RPS6KA2: variants seen among roughly 807,000 people sequenced by gnomAD.
RPS6KA2 encodes ribosomal protein S6 kinase A2, also known as ribosomal protein S6 kinase alpha-2.
Under a neutral mutation model 91.8 loss-of-function variants are expected in RPS6KA2, and 42 were observed. That is an observed-to-expected ratio of 0.46 (90% CI 0.36 to 0.59). The LOEUF (loss-of-function observed/expected upper bound fraction) is 0.59. Among genes scored for constraint, RPS6KA2 ranks in the 20% least tolerant of loss-of-function variants. The pLI, the probability that RPS6KA2 is intolerant of heterozygous loss-of-function variation, is 0.00. For missense variants in RPS6KA2, 798 were observed against 978.5 expected, an observed-to-expected ratio of 0.82 and a Z score of 2.46; for synonymous variants, 414 against 393.6, an observed-to-expected ratio of 1.05 and a Z score of -0.61.
At chr6:166,439,212 A>G (rs1779441071) in intron 14 of RPS6KA2, among the ~76,000 whole-genome samples, 1 of 152,168 alleles carries the variant, frequency 6.6e-6, no homozygotes, top group Non-Finnish European at 1.5e-5. Context: ...GGTTCAGATG[A>G]TTCTCCTGCC....
chr6:166,521,869 C>T (rs939445141), intron 3 of RPS6KA2, among the ~76,000 whole-genome samples: 4 of 152,172 alleles, frequency 2.6e-5, no homozygotes, highest in African/African-American at 9.7e-5. Flanking sequence ...AACCTAACCC[C>T]CAGTGTGATG....
rs1181139983 is a variant in RPS6KA2 at position 166,547,454 on chromosome 6, G to A, written c.100-8670C>T. 2.6e-5 allele frequency among the ~76,000 whole-genome samples: 4 copies of A among 152,232 alleles called. No homozygotes were observed. The South Asian group carries it at 6.2e-4, about 24-fold the overall frequency. Reference sequence around the variant, plus strand: ...GTTGGCAGCTGAGTGCCCGCTCTCCGGCAGTGGTGCTGGTGCCCAACTGGT... The same window carrying A: ...GTTGGCAGCTGAGTGCCCGCTCTCCAGCAGTGGTGCTGGTGCCCAACTGGT... On this transcript the variant is annotated intron_variant, in intron 1 of 20. Coordinates refer to ENST00000265678, the MANE Select transcript of RPS6KA2 (RefSeq NM_021135.6).
intron 1 of RPS6KA2, chr6:166,542,206 C>A (rs1219422572): frequency 2.0e-5 from 3 of 152,310 alleles, no homozygotes; most frequent in Non-Finnish European, 2.9e-5. Context: ...CTGATAACGA[C>A]CCTCTCTGGA....
intron 2 of RPS6KA2, among the ~76,000 whole-genome samples, chr6:166,655,326 C>T (rs2128555427): frequency 6.6e-6 from 1 of 152,366 alleles, no homozygotes; most frequent in South Asian, 2.1e-4. Context: ...ACAAGCATCA[C>T]TGCACCACCC....
intron 2 of RPS6KA2, among the ~76,000 whole-genome samples, chr6:166,636,776 G>A (rs1787254339): frequency 1.3e-5 from 2 of 152,196 alleles, no homozygotes; most frequent in African/African-American, 4.8e-5. Context: ...GAAGGGAAGT[G>A]GATGAACTCC....
chr6:166,425,203 AAC>A (rs61484492), intron 16 of RPS6KA2, among the ~76,000 whole-genome samples: 1,648 of 152,262 alleles, frequency 0.011, 27 homozygotes, highest in African/African-American at 0.036. Flanking sequence ...CTGCCTTAGA[AAC>A]ACAGTCCTTT....
intron 2 of RPS6KA2, among the ~76,000 whole-genome samples, chr6:166,837,227 C>A (rs896502710): frequency 6.6e-6 from 1 of 152,140 alleles, no homozygotes; most frequent in Non-Finnish European, 1.5e-5. Context: ...TGGGAGGGCG[C>A]CCTGCCCACC....
chr6:166,698,621 T>C (rs1206919736), intron 2 of RPS6KA2, among the ~76,000 whole-genome samples: 1 of 152,206 alleles, frequency 6.6e-6, no homozygotes, highest in Non-Finnish European at 1.5e-5. Context: ...TCTGGGGCTG[T>C]GATTTTCCCC....
chr6:166,660,302 G>T (rs754227533), intron 2 of RPS6KA2, among the ~76,000 whole-genome samples: 1 of 151,552 alleles, frequency 6.6e-6, no homozygotes, highest in Non-Finnish European at 1.5e-5. Context: ...GTATCTCATT[G>T]TGTGTGTGCA....
chr6:166,806,913 C>T (rs1380020023), intron 2 of RPS6KA2, among the ~76,000 whole-genome samples: 1 of 152,064 alleles, frequency 6.6e-6, no homozygotes, highest in African/African-American at 2.4e-5. Context: ...TTGTTGTATG[C>T]TATTAATGTC....
intron 10 of RPS6KA2, among the ~76,000 whole-genome samples, chr6:166,470,664 C>A (rs963059085): frequency 6.6e-6 from 1 of 152,160 alleles, no homozygotes; most frequent in Non-Finnish European, 1.5e-5. Flanking sequence ...ACTGTCCCCC[C>A]AGAACGAGCC....
intron 3 of RPS6KA2, among the ~76,000 whole-genome samples, chr6:166,518,577 C>T (rs1165002021): frequency 1.3e-5 from 2 of 152,142 alleles, no homozygotes; most frequent in Admixed American, 1.3e-4. Flanking sequence ...AGATTAAACC[C>T]ATCAGTGCAG....
chr6:166,524,965 T>A (rs914892066), intron 3 of RPS6KA2, among the ~76,000 whole-genome samples: 3 of 152,134 alleles, frequency 2.0e-5, no homozygotes, highest in Non-Finnish European at 4.4e-5. Context: ...ATTCTCGCGC[T>A]CAGACCAACC....
chr6:166,677,278 A>G (rs1416340222), intron 2 of RPS6KA2, among the ~76,000 whole-genome samples: 1 of 152,208 alleles, frequency 6.6e-6, no homozygotes, highest in Non-Finnish European at 1.5e-5. Flanking sequence ...ATTCTGAGAA[A>G]TAGAGATATA....
chr6:166,702,299 C>G, intron 2 of RPS6KA2: 1 of 1,613,572 alleles, frequency 6.2e-7, no homozygotes. Context: ...TGAGGAGCCC[C>G]TCTGCCCAAG....
chr6:166,843,029 G>T (rs546325606), intron 2 of RPS6KA2, among the ~76,000 whole-genome samples: 1 of 152,164 alleles, frequency 6.6e-6, no homozygotes, highest in African/African-American at 2.4e-5. Flanking sequence ...AAATAGACTC[G>T]GTGCTGTTGG....
intron 2 of RPS6KA2, among the ~76,000 whole-genome samples, chr6:166,843,471 C>T (rs1285810123): frequency 1.3e-5 from 2 of 152,210 alleles, no homozygotes; most frequent in East Asian, 3.9e-4. Flanking sequence ...CAACACAAAA[C>T]CAGTGCACTG....
chr6:166,727,941 A>G (rs1338062844), intron 2 of RPS6KA2, among the ~76,000 whole-genome samples: 1 of 152,240 alleles, frequency 6.6e-6, no homozygotes, highest in South Asian at 2.1e-4. Context: ...CTGAGGACCA[A>G]AAATATTTGG....
intron 2 of RPS6KA2, among the ~76,000 whole-genome samples, chr6:166,799,890 C>G (rs1225122105): frequency 6.6e-6 from 1 of 152,010 alleles, no homozygotes; most frequent in Non-Finnish European, 1.5e-5. Context: ...GATGTGTAGT[C>G]CTTCATCCCT....
Sources: gnomAD v4.1 joint callset for allele counts (sites outside exome capture counted in the v4.1 genomes callset) on GRCh38, gnomAD v4.1.1 for gene constraint, MANE v1.5 for transcripts, NCBI Gene and HGNC (gene_info 2026-07-23, HGNC 2026-07-21) for gene names.